The following NUP43 variants were observed in gnomAD, a reference collection of about 807,000 sequenced individuals.
NUP43 encodes the protein nucleoporin Nup43.
NUP43 carries 32 observed loss-of-function variants against 47.3 expected under a neutral mutation model. The observed-to-expected ratio is 0.68, with a 90% CI of 0.51 to 0.91. The LOEUF (loss-of-function observed/expected upper bound fraction) is 0.91. Ranked by LOEUF, NUP43 falls within the 40% of genes least tolerant of loss-of-function variation. The pLI is 0.00. For missense variants in NUP43, 444 were observed against 453.9 expected, an observed-to-expected ratio of 0.98 and a Z score of 0.20; for synonymous variants, 147 against 158.4, an observed-to-expected ratio of 0.93 and a Z score of 0.54.
At chr6:149,740,015 T>C (rs1464436700) in intron 4 of NUP43, among the ~76,000 whole-genome samples, 1 of 152,182 alleles carries the variant, frequency 6.6e-6, no homozygotes, top group African/African-American at 2.4e-5. Flanking sequence ...CCCAGTGCAG[T>C]GGGTCATGTC....
intron 1 of NUP43, 27 bp downstream of exon 1, chr6:149,746,349 G>A: frequency 1.2e-6 from 2 of 1,609,822 alleles, no homozygotes; most frequent in South Asian, 1.1e-5. Flanking sequence ...GGAGGAGGTA[G>A]GGGCTCGTCC....
chr6:149,737,730 C>T (rs1458743475), intron 5 of NUP43, among the ~76,000 whole-genome samples: 1 of 152,040 alleles, frequency 6.6e-6, no homozygotes. Flanking sequence ...AAGTGATTCT[C>T]CTGCAAACTC....
intron 2 of NUP43, among the ~76,000 whole-genome samples, chr6:149,744,075 AC>A (rs1314464696): frequency 6.6e-6 from 1 of 151,926 alleles, no homozygotes; most frequent in Non-Finnish European, 1.5e-5. Flanking sequence ...GGAGTTCAAG[AC>A]CAGCCTGCGC....
intron 7 of NUP43, among the ~76,000 whole-genome samples, chr6:149,730,613 G>A (rs925713731): frequency 6.6e-6 from 1 of 152,116 alleles, no homozygotes; most frequent in Non-Finnish European, 1.5e-5. Context: ...TAAAAAATAC[G>A]AGGATGTCTA....
At chr6:149,732,979 T>C (rs1785139298) in intron 6 of NUP43, among the ~76,000 whole-genome samples, 1 of 152,126 alleles carries the variant, frequency 6.6e-6, no homozygotes, top group Non-Finnish European at 1.5e-5. Context: ...CTTCTACTCC[T>C]GGCGTCAAGC....
chr6:149,733,831 G>GC (rs1785181738), intron 6 of NUP43, among the ~76,000 whole-genome samples: 1 of 145,690 alleles, frequency 6.9e-6, no homozygotes, highest in East Asian at 2.0e-4. Flanking sequence ...GTTTTGTTTT[G>GC]TTTTTTTTTT....
intron 6 of NUP43, among the ~76,000 whole-genome samples, 187 bp downstream of exon 6, chr6:149,736,284 A>C (rs1175735874): frequency 2.6e-5 from 4 of 152,200 alleles, no homozygotes; most frequent in African/African-American, 7.2e-5. Context: ...TCTCCAAAAA[A>C]ACAAAAACAA....
intron 2 of NUP43, among the ~76,000 whole-genome samples, chr6:149,745,595 C>T (rs917107333): frequency 2.0e-5 from 3 of 152,162 alleles, no homozygotes; most frequent in Non-Finnish European, 2.9e-5. Flanking sequence ...TCACATAGTA[C>T]ATGCTCAAGA....
chr6:149,728,113 T>G, intron 7 of NUP43: 1 of 985,424 alleles, frequency 1.0e-6, no homozygotes, highest in Non-Finnish European at 1.2e-6. Context: ...CCCTCAGCAC[T>G]TGTATGTACC....
rs778745160 is a variant in NUP43, at chr6:149,746,414, T to C, written c.82A>G (p.Thr28Ala). 6.2e-7 allele frequency: 1 copy of C among 1,614,140 alleles called. No individual in the cohort carries two copies. Among genetic ancestry groups the C allele is most frequent in the Non-Finnish European group, 8.5e-7 (1 of 1,180,026 alleles). Residue 28 changes from threonine to alanine, a missense_variant, in exon 1 of 8, where the codon ACC (threonine) becomes GCC (alanine). Transcript: ENST00000340413. ...WRPLPPGSLQTAETFATGSWD... is the reference protein window; with the variant it reads ...WRPLPPGSLQAAETFATGSWD... ...GATCCTGTAGCGAACGTCTCCGCGG[T>C]CTGTAAACTTCCCGGAGGCAGCGGT...
intron 2 of NUP43, among the ~76,000 whole-genome samples, chr6:149,744,687 T>G (rs1256891547): frequency 6.6e-6 from 1 of 150,644 alleles, no homozygotes; most frequent in Non-Finnish European, 1.5e-5. Flanking sequence ...AATACAAAAA[T>G]TAGCCAGGCA....
intron 5 of NUP43, among the ~76,000 whole-genome samples, chr6:149,736,972 C>T (rs1046447939): frequency 1.3e-5 from 2 of 152,002 alleles, no homozygotes; most frequent in South Asian, 2.1e-4. Context: ...GACTGGTAAC[C>T]GTGCCCAGCC....
At position 149,725,837 on chromosome 6, in the gene NUP43, C is replaced by A. The variant is rs41288437; in HGVS notation, c.*1132G>T. The A allele has an allele frequency of 1.1e-4, 17 of 152,216 alleles. No homozygotes were observed. Among genetic ancestry groups the A allele is most frequent in the Non-Finnish European group, 2.1e-4 (14 of 68,000 alleles). The allele number at this position is 152,216 out of a possible 1,614,324, so 9.4% of individuals were successfully genotyped here. A position where few individuals can be genotyped will look rare whatever the true frequency, so the allele number is the denominator to read the frequency against. On this transcript the variant is annotated 3_prime_UTR_variant, in exon 8 of 8. Coordinates refer to ENST00000340413, the MANE Select transcript of NUP43 (RefSeq NM_198887.3). The stretch of plus-strand genomic sequence containing the variant: ...AGACAAGGATAAAGATGGTTGGTAA[C>A]ACTATAGGTGGCTAAAACAAAGTAA...
At chr6:149,735,518 C>A (rs1231332477) in intron 6 of NUP43, among the ~76,000 whole-genome samples, 2 of 143,324 alleles carry the variant, frequency 1.4e-5, no homozygotes, top group Non-Finnish European at 3.0e-5. Flanking sequence ...TCGTGTAAGT[C>A]CAGGAGTTCA....
intron 7 of NUP43, chr6:149,728,231 CT>C (rs1336975751): frequency 5.1e-6 from 5 of 982,406 alleles, no homozygotes; most frequent in Non-Finnish European, 4.8e-6. Flanking sequence ...ATATGTTTTA[CT>C]TTTTCACAGT....
intron 4 of NUP43, among the ~76,000 whole-genome samples, chr6:149,741,272 C>G (rs368740938): frequency 6.6e-6 from 1 of 152,130 alleles, no homozygotes; most frequent in African/African-American, 2.4e-5. Flanking sequence ...CTCTCAGGTT[C>G]AAGCGATTCT....
At chr6:149,740,746 G>A (rs1230175175) in intron 4 of NUP43, among the ~76,000 whole-genome samples, 2 of 152,146 alleles carry the variant, frequency 1.3e-5, no homozygotes, top group Admixed American at 1.3e-4. Context: ...AGAGAAGTCT[G>A]GCTGAAGCAT....
intron 6 of NUP43, 35 bp downstream of exon 6, chr6:149,736,436 C>A: frequency 6.7e-7 from 1 of 1,501,912 alleles, no homozygotes; most frequent in Non-Finnish European, 9.1e-7. Context: ...TATAACTCAC[C>A]CAATATAAAC....
At chr6:149,728,539 C>T (rs1176193695) in intron 7 of NUP43, 1 of 528,770 alleles carries the variant, frequency 1.9e-6, no homozygotes, top group Non-Finnish European at 2.4e-6. Flanking sequence ...ACTGCCCCTA[C>T]ATTTTACATT....
Sources: gnomAD v4.1 joint callset for allele counts (sites outside exome capture counted in the v4.1 genomes callset) on GRCh38, gnomAD v4.1.1 for gene constraint, MANE v1.5 for transcripts, NCBI Gene and HGNC (gene_info 2026-07-23, HGNC 2026-07-21) for gene names.